The following DCC variants were observed in gnomAD, a reference collection of about 807,000 sequenced individuals.
The protein encoded by DCC is DCC netrin 1 receptor.
In DCC, 58 loss-of-function variants were observed where a neutral mutation model predicts 172.5. That is an observed-to-expected ratio of 0.34 (90% CI 0.27 to 0.42). The LOEUF is 0.42. Among genes scored for constraint, DCC ranks in the 10% least tolerant of loss-of-function variants. The pLI, the probability that DCC is intolerant of heterozygous loss-of-function variation, is 1.00. For synonymous variants in DCC, 709 were observed against 644.5 expected (o/e 1.10, Z -1.52); for missense variants, 1,740 against 1,791.0 (o/e 0.97, Z 0.51).
chr18:52,707,066 T>A (rs1168770966), intron 1 of DCC, among the ~76,000 whole-genome samples: 1 of 152,114 alleles, frequency 6.6e-6, no homozygotes, highest in African/African-American at 2.4e-5. Flanking sequence ...GAGAAAGTAA[T>A]ACCCTTCAGT....
chr18:53,323,046 T>C (rs1449901804), intron 14 of DCC, among the ~76,000 whole-genome samples: 3 of 152,112 alleles, frequency 2.0e-5, no homozygotes, highest in Non-Finnish European at 4.4e-5. Flanking sequence ...TTGCCTATTA[T>C]ATCTAACAAT....
At chr18:52,595,125 C>CA (rs889303881) in intron 1 of DCC, among the ~76,000 whole-genome samples, 1 of 152,120 alleles carries the variant, frequency 6.6e-6, no homozygotes, top group Non-Finnish European at 1.5e-5. Context: ...TTGTACATCA[C>CA]AAAAAAGTTA....
chr18:52,379,036 T>C (rs965031993), intron 1 of DCC, among the ~76,000 whole-genome samples: 5 of 152,146 alleles, frequency 3.3e-5, no homozygotes, highest in Non-Finnish European at 5.9e-5. Flanking sequence ...GAAAAATGAA[T>C]GAAATTGCTT....
chr18:52,819,327 A>T (rs1297007027), intron 2 of DCC, among the ~76,000 whole-genome samples: 1 of 152,190 alleles, frequency 6.6e-6, no homozygotes, highest in East Asian at 1.9e-4. Context: ...ATAAATTAAT[A>T]ATTTTCTCAA....
chr18:53,242,673 C>T (rs2056314095), intron 12 of DCC, among the ~76,000 whole-genome samples: 1 of 152,052 alleles, frequency 6.6e-6, no homozygotes, highest in South Asian at 2.1e-4. Context: ...TCAATGACAA[C>T]CTGTTGTTGG....
At chr18:53,335,605 T>C (rs149260381) in intron 14 of DCC, among the ~76,000 whole-genome samples, 74 of 152,288 alleles carry the variant, frequency 4.9e-4, no homozygotes, top group African/African-American at 1.7e-3. Flanking sequence ...TAACATGTTC[T>C]TTAGAACCAA....
chr18:53,409,207 G>A (rs1037390140), intron 19 of DCC, among the ~76,000 whole-genome samples: 4 of 152,120 alleles, frequency 2.6e-5, no homozygotes, highest in African/African-American at 9.7e-5. Context: ...TGTAGCGAAG[G>A]TTTGTGCTGA....
At chr18:52,388,541 T>C (rs539127293) in intron 1 of DCC, among the ~76,000 whole-genome samples, 6 of 152,210 alleles carry the variant, frequency 3.9e-5, no homozygotes, top group Admixed American at 1.3e-4. Flanking sequence ...TATACTGTAT[T>C]TTGCATGGCT....
At chr18:52,670,045 C>G (rs910662598) in intron 1 of DCC, among the ~76,000 whole-genome samples, 2 of 152,158 alleles carry the variant, frequency 1.3e-5, no homozygotes, top group African/African-American at 4.8e-5. Context: ...AGAGCCAACA[C>G]TAAGGCTCTG....
chr18:52,617,247 C>G (rs1333453271), intron 1 of DCC, among the ~76,000 whole-genome samples: 3 of 151,950 alleles, frequency 2.0e-5, no homozygotes, highest in African/African-American at 7.3e-5. Context: ...CTATTAAAAA[C>G]AAAATAAAAC....
chr18:52,773,344 C>A (rs768139223), intron 2 of DCC, among the ~76,000 whole-genome samples: 2 of 152,100 alleles, frequency 1.3e-5, no homozygotes, highest in Non-Finnish European at 2.9e-5. Flanking sequence ...GTAGCCACAA[C>A]GAAGAGGTCA....
intron 7 of DCC, among the ~76,000 whole-genome samples, chr18:53,154,496 C>G (rs572820691): frequency 6.6e-6 from 1 of 152,140 alleles, no homozygotes; most frequent in African/African-American, 2.4e-5. Flanking sequence ...AGTGACACGA[C>G]CAGATTTATA....
intron 7 of DCC, among the ~76,000 whole-genome samples, chr18:53,132,490 T>A (rs1212285513): frequency 6.6e-6 from 1 of 152,146 alleles, no homozygotes; most frequent in Non-Finnish European, 1.5e-5. Context: ...CCTCACTTGG[T>A]CTTCCAACCA....
Position 52,534,201 on chromosome 18 carries a change from T to C in DCC, c.91+193323T>C, listed in dbSNP as rs547070699. ...TGTCTAACATCTATTATTAAAACTA[T>C]CAGGCACTGTATTAGATATTTGATG... On this transcript the variant is annotated intron_variant, in intron 1 of 28. Coordinates refer to ENST00000442544, the MANE Select transcript of DCC (RefSeq NM_005215.4). Among the ~76,000 whole-genome samples the C allele has an allele frequency of 2.0e-5, 3 of 152,264 alleles. No homozygotes were observed. In the East Asian group the frequency reaches 5.8e-4, roughly 29 times the overall value.
chr18:53,500,204 G>T (rs2046079429), intron 27 of DCC, among the ~76,000 whole-genome samples: 1 of 152,004 alleles, frequency 6.6e-6, no homozygotes, highest in Non-Finnish European at 1.5e-5. Context: ...TTTTTGTTAG[G>T]GGTTGAGGAG....
chr18:52,724,970 A>C (rs561361213), intron 1 of DCC, among the ~76,000 whole-genome samples: 1 of 152,150 alleles, frequency 6.6e-6, no homozygotes, highest in East Asian at 1.9e-4. Flanking sequence ...GGCCACATGA[A>C]ATGTCTTTCT....
chr18:52,779,882 AT>A (rs2037503064), intron 2 of DCC, among the ~76,000 whole-genome samples: 1 of 152,094 alleles, frequency 6.6e-6, no homozygotes, highest in Non-Finnish European at 1.5e-5. Context: ...TGTGGTTTTG[AT>A]TTGCATTTCT....
At chr18:52,894,986 CACTG>C (rs1007294009) in intron 2 of DCC, among the ~76,000 whole-genome samples, 36 of 152,184 alleles carry the variant, frequency 2.4e-4, no homozygotes, top group African/African-American at 7.7e-4. Context: ...TTAGTCACCA[CACTG>C]ACTGACTGAC....
At chr18:53,327,727 A>T (rs1471585204) in intron 14 of DCC, among the ~76,000 whole-genome samples, 1 of 152,220 alleles carries the variant, frequency 6.6e-6, no homozygotes. Flanking sequence ...AATTGGGGTA[A>T]GGAGTGCGAT....
Sources: allele counts gnomAD v4.1 joint callset (sites outside exome capture counted in the v4.1 genomes callset), GRCh38; gene constraint gnomAD v4.1.1; transcripts MANE v1.5; gene names NCBI Gene and HGNC (gene_info 2026-07-23, HGNC 2026-07-21).